Variants in RBPMS observed in about 807,000 individuals in gnomAD.
RBPMS encodes RNA binding protein, mRNA processing factor.
A neutral mutation model predicts 26.8 loss-of-function variants in RBPMS; 7 were observed. The observed-to-expected ratio is 0.26, with a 90% CI of 0.15 to 0.49. The LOEUF (loss-of-function observed/expected upper bound fraction) is 0.49, where lower values mean the gene tolerates loss of function less well. Ranked by LOEUF, RBPMS falls within the 20% of genes least tolerant of loss-of-function variation. The probability of loss-of-function intolerance (pLI) is 0.98; values close to 1 mark genes in which losing one functional copy is unlikely to be tolerated. For missense variants in RBPMS, 186 were observed against 250.0 expected (o/e 0.74, Z 1.73); for synonymous variants, 96 against 93.3 (o/e 1.03, Z -0.17).
chr8:30,546,394 C>T (rs949837337), intron 6 of RBPMS, among the ~76,000 whole-genome samples: 1 of 152,220 alleles, frequency 6.6e-6, no homozygotes, highest in Non-Finnish European at 1.5e-5. Flanking sequence ...GACATCTGCT[C>T]ATTCTTCATT....
chr8:30,515,687 A>T (rs1184184231), intron 5 of RBPMS, among the ~76,000 whole-genome samples: 1 of 152,076 alleles, frequency 6.6e-6, no homozygotes, highest in African/African-American at 2.4e-5. Context: ...TGGGGGTCTT[A>T]CTTTGTTCTT....
chr8:30,466,804 G>T (rs1459374721), intron 1 of RBPMS, among the ~76,000 whole-genome samples: 3 of 152,036 alleles, frequency 2.0e-5, no homozygotes, highest in Non-Finnish European at 4.4e-5. Context: ...ATGTTGGTCA[G>T]GCTGGTCTCC....
At chr8:30,424,108 G>GA (rs1563305486) in intron 1 of RBPMS, among the ~76,000 whole-genome samples, 1 of 152,138 alleles carries the variant, frequency 6.6e-6, no homozygotes, top group Non-Finnish European at 1.5e-5. Flanking sequence ...AAAGTGCTGG[G>GA]AACAGGCATG....
chr8:30,494,877 T>G (rs1819764613), intron 4 of RBPMS, among the ~76,000 whole-genome samples: 1 of 152,196 alleles, frequency 6.6e-6, no homozygotes, highest in African/African-American at 2.4e-5. Flanking sequence ...CTACATACCT[T>G]AAACACAATG....
chr8:30,407,884 A>G (rs529808360), intron 1 of RBPMS, among the ~76,000 whole-genome samples: 2 of 138,008 alleles, frequency 1.4e-5, no homozygotes, highest in Non-Finnish European at 3.1e-5. Flanking sequence ...ACTAGACCTC[A>G]TTGCCAGTTT....
chr8:30,436,983 C>T (rs986706786), intron 1 of RBPMS, among the ~76,000 whole-genome samples: 7 of 146,624 alleles, frequency 4.8e-5, no homozygotes, highest in Admixed American at 6.8e-5. Flanking sequence ...AGTGCAGTGG[C>T]GCAATCTCGG....
Position 30,437,040 on chromosome 8 carries a change from A to G in RBPMS, c.67-37739A>G, listed in dbSNP as rs553368953. On this transcript the variant is annotated intron_variant, in intron 1 of 8. Transcript: ENST00000397323. ...TGGGTTCACGCCATTCTTCTGCCTCAGCCTCCCGAGTAGCTGGGACTATAG... is the reference window on the plus strand; with the variant it reads ...TGGGTTCACGCCATTCTTCTGCCTCGGCCTCCCGAGTAGCTGGGACTATAG... 2.0e-5 allele frequency among the ~76,000 whole-genome samples: 3 copies of G among 150,122 alleles called. No homozygotes were observed. The South Asian group carries it at 6.3e-4, about 31-fold the overall frequency.
chr8:30,516,903 TAC>T (rs139256402), intron 5 of RBPMS, among the ~76,000 whole-genome samples: 12 of 147,290 alleles, frequency 8.1e-5, no homozygotes, highest in South Asian at 2.2e-4. Flanking sequence ...CATCTCTAAA[TAC>T]ACACACACAC....
chr8:30,546,440 T>TA (rs1825872836), intron 6 of RBPMS, among the ~76,000 whole-genome samples: 1 of 152,202 alleles, frequency 6.6e-6, no homozygotes. Context: ...ATTCTGGAGA[T>TA]ACGGTATGGT....
At chr8:30,473,030 C>T (rs559020988) in intron 1 of RBPMS, among the ~76,000 whole-genome samples, 7 of 152,228 alleles carry the variant, frequency 4.6e-5, no homozygotes, top group Non-Finnish European at 7.4e-5. Context: ...AATTGAGCAT[C>T]GAATTTTCAA....
chr8:30,538,257 A>G (rs1019903999), intron 5 of RBPMS, among the ~76,000 whole-genome samples: 8 of 151,840 alleles, frequency 5.3e-5, no homozygotes, highest in African/African-American at 7.3e-5. Flanking sequence ...CTATTCACCC[A>G]ATCTTTTTTT....
At chr8:30,520,292 T>C (rs1822888589) in intron 5 of RBPMS, among the ~76,000 whole-genome samples, 3 of 152,134 alleles carry the variant, frequency 2.0e-5, no homozygotes, top group African/African-American at 4.8e-5. Context: ...GCCTAAGACA[T>C]TGGTGCCTGG....
intron 1 of RBPMS, among the ~76,000 whole-genome samples, chr8:30,448,098 A>G (rs770529895): frequency 6.6e-6 from 1 of 152,270 alleles, no homozygotes; most frequent in Non-Finnish European, 1.5e-5. Flanking sequence ...AAAAATTATT[A>G]GATGGTTTAC....
intron 1 of RBPMS, among the ~76,000 whole-genome samples, chr8:30,421,753 G>A (rs1395708069): frequency 1.3e-5 from 2 of 152,026 alleles, no homozygotes; most frequent in African/African-American, 4.8e-5. Flanking sequence ...TCAAGAGATC[G>A]AGACCATCCT....
chr8:30,441,015 G>C (rs1403505999), intron 1 of RBPMS, among the ~76,000 whole-genome samples: 1 of 134,578 alleles, frequency 7.4e-6, no homozygotes, highest in Non-Finnish European at 1.5e-5. Flanking sequence ...TAATTTTTTT[G>C]TAGAGACAGT....
intron 7 of RBPMS, chr8:30,564,778 G>A (rs972927499): frequency 3.9e-5 from 6 of 152,440 alleles, no homozygotes; most frequent in African/African-American, 1.4e-4. Flanking sequence ...CGCGACTCCT[G>A]AGAGCAATTC....
chr8:30,390,087 A>C (rs980966747), intron 1 of RBPMS, among the ~76,000 whole-genome samples: 1 of 152,252 alleles, frequency 6.6e-6, no homozygotes, highest in Admixed American at 6.5e-5. Flanking sequence ...TCATAAAACC[A>C]AACATTAATT....
chr8:30,467,472 T>TTTATA (rs531594613), intron 1 of RBPMS, among the ~76,000 whole-genome samples: 3 of 152,184 alleles, frequency 2.0e-5, no homozygotes, highest in Admixed American at 2.0e-4. Flanking sequence ...GAAACCCAAG[T>TTTATA]TTATATTACA....
chr8:30,534,743 G>C (rs930122189), intron 5 of RBPMS, among the ~76,000 whole-genome samples: 1 of 152,208 alleles, frequency 6.6e-6, no homozygotes, highest in Non-Finnish European at 1.5e-5. Context: ...AGTTTCCTAG[G>C]TCAGTGGCAA....
Sources: gnomAD v4.1 joint callset for allele counts (sites outside exome capture counted in the v4.1 genomes callset) on GRCh38, gnomAD v4.1.1 for gene constraint, MANE v1.5 for transcripts, NCBI Gene and HGNC (gene_info 2026-07-23, HGNC 2026-07-21) for gene names.